Variants in MTMR12 observed in about 807,000 individuals in gnomAD.
MTMR12 encodes myotubularin-related protein 12.
MTMR12 carries 33 observed loss-of-function variants against 96.7 expected under a neutral mutation model. The observed-to-expected ratio is 0.34, with a 90% CI of 0.26 to 0.46. The LOEUF is 0.46. Ranked by LOEUF, MTMR12 falls within the 20% of genes least tolerant of loss-of-function variation. The pLI is 1.00. For synonymous variants in MTMR12, 298 were observed against 327.2 expected, an observed-to-expected ratio of 0.91 and a Z score of 0.96; for missense variants, 721 against 896.1, an observed-to-expected ratio of 0.80 and a Z score of 2.49.
chr5:32,288,923 TGACCAA>T (rs1750645551), intron 1 of MTMR12, among the ~76,000 whole-genome samples: 2 of 152,178 alleles, frequency 1.3e-5, no homozygotes, highest in South Asian at 4.1e-4. Flanking sequence ...GATATATCCT[TGACCAA>T]TGCTTTGCAA....
chr5:32,298,908 G>C (rs1319901281), intron 1 of MTMR12, among the ~76,000 whole-genome samples: 3 of 147,730 alleles, frequency 2.0e-5, no homozygotes, highest in Non-Finnish European at 4.4e-5. Context: ...AGCCGAGATC[G>C]CGCCACTGCA....
chr5:32,312,887 G>C lies in MTMR12; in HGVS notation c.-49C>G, dbSNP rs762719355. 5.4e-6 allele frequency: 8 copies of C among 1,487,736 alleles called. No individual in the cohort carries two copies. Among genetic ancestry groups the C allele is most frequent in the East Asian group, 5.7e-5 (2 of 35,326 alleles). The allele number at this position is 1,487,736 out of a possible 1,614,324, so 92.2% of individuals were successfully genotyped here. On this transcript the variant is annotated 5_prime_UTR_variant, in exon 1 of 16. Coordinates refer to ENST00000382142, the MANE Select transcript of MTMR12 (RefSeq NM_001040446.3). This position sits in a 1 kb window ranked among gnomAD's most constrained non-coding sequence, Gnocchi z 5.0. ...CGCGCGGACGCAGAGGCGGCGGCTC[G>C]GGCTCCAGCTGGGGCAGCAGCGGCG...
intron 1 of MTMR12, 52 bp from the exon 2 acceptor site, chr5:32,276,794 A>G: frequency 4.1e-6 from 6 of 1,463,302 alleles, no homozygotes; most frequent in African/African-American, 1.4e-5. Flanking sequence ...TTTAAAATGA[A>G]TAACATTAAG....
At chr5:32,240,171 C>T (rs1428322910) in intron 12 of MTMR12, among the ~76,000 whole-genome samples, 5 of 152,016 alleles carry the variant, frequency 3.3e-5, no homozygotes, top group African/African-American at 1.2e-4. Context: ...GAGGCCGAGG[C>T]GGGTGGATCA....
chr5:32,300,960 A>C (rs1455891443), intron 1 of MTMR12, among the ~76,000 whole-genome samples: 1 of 152,192 alleles, frequency 6.6e-6, no homozygotes, highest in African/African-American at 2.4e-5. Context: ...CTGTAGTCCC[A>C]ACTACTCAGA....
At chr5:32,249,652 G>A (rs1481645543) in intron 8 of MTMR12, among the ~76,000 whole-genome samples, 1 of 152,228 alleles carries the variant, frequency 6.6e-6, no homozygotes, top group African/African-American at 2.4e-5. Context: ...GGAGAAAGAA[G>A]TCACACGAGT....
At position 32,230,160 on chromosome 5, in the gene MTMR12, G is replaced by C; in HGVS notation, c.1862C>G (p.Thr621Ser). 1 of 1,614,186 alleles carries C rather than the reference G, an allele frequency of 6.2e-7. No individual in the cohort carries two copies. Among genetic ancestry groups the C allele is most frequent in the Non-Finnish European group, 8.5e-7 (1 of 1,180,024 alleles). ...CGGTAACAACAAACCATGGTAGTCAGTGGACTTGCTATGCCAGCTGTCATA... is the reference window on the plus strand; with the variant it reads ...CGGTAACAACAAACCATGGTAGTCACTGGACTTGCTATGCCAGCTGTCATA... ...EFYDSWHSKS[T>S]DYHGLLLPHI... Residue 621 changes from threonine to serine, a missense_variant, in exon 16 of 16, where the codon ACT (threonine) becomes AGT (serine). Thr to Ser is a moderately conservative substitution (Grantham distance 58). Coordinates refer to ENST00000382142, the MANE Select transcript of MTMR12 (RefSeq NM_001040446.3).
At chr5:32,273,654 C>A (rs984090627) in intron 3 of MTMR12, among the ~76,000 whole-genome samples, 1 of 151,442 alleles carries the variant, frequency 6.6e-6, no homozygotes, top group Admixed American at 6.6e-5. Context: ...GGTCCTGCCA[C>A]GGAAAGGAGA....
At chr5:32,282,889 A>T (rs1434221244) in intron 1 of MTMR12, among the ~76,000 whole-genome samples, 1 of 152,244 alleles carries the variant, frequency 6.6e-6, no homozygotes, top group Non-Finnish European at 1.5e-5. Flanking sequence ...GAACTGACAA[A>T]TATGGAGCTA....
At chr5:32,311,282 G>C (rs1299940679) in intron 1 of MTMR12, among the ~76,000 whole-genome samples, 1 of 152,160 alleles carries the variant, frequency 6.6e-6, no homozygotes, top group Non-Finnish European at 1.5e-5. Flanking sequence ...GATACCACAA[G>C]GGAAGCCCGC....
At chr5:32,299,076 TAC>T (rs1305155902) in intron 1 of MTMR12, among the ~76,000 whole-genome samples, 3 of 149,326 alleles carry the variant, frequency 2.0e-5, no homozygotes, top group Non-Finnish European at 4.4e-5. Flanking sequence ...CACATACACA[TAC>T]ACACACACGC....
chr5:32,287,823 CA>C (rs1750597545), intron 1 of MTMR12, among the ~76,000 whole-genome samples: 1 of 152,154 alleles, frequency 6.6e-6, no homozygotes, highest in Admixed American at 6.5e-5. Flanking sequence ...TCATGAGAGG[CA>C]AGGAGTTTAG....
intron 1 of MTMR12, among the ~76,000 whole-genome samples, chr5:32,299,070 T>C (rs964514027): frequency 1.3e-5 from 2 of 148,392 alleles, no homozygotes; most frequent in African/African-American, 2.5e-5. Flanking sequence ...CACACACACA[T>C]ACACATACAC....
chr5:32,288,046 A>G (rs1750609189), intron 1 of MTMR12, among the ~76,000 whole-genome samples: 1 of 152,124 alleles, frequency 6.6e-6, no homozygotes, highest in African/African-American at 2.4e-5. Context: ...TCTGGCAGAG[A>G]AAGAGCTGAA....
At chr5:32,288,906 TCCAGAAGATATATCC>T (rs1750644724) in intron 1 of MTMR12, among the ~76,000 whole-genome samples, 2 of 152,022 alleles carry the variant, frequency 1.3e-5, no homozygotes, top group South Asian at 4.2e-4. Flanking sequence ...GCTGGGAGGG[TCCAGAAGATATATCC>T]TTGACCAATG....
chr5:32,255,243 A>G (rs541424437), intron 8 of MTMR12, among the ~76,000 whole-genome samples: 3 of 152,328 alleles, frequency 2.0e-5, no homozygotes, highest in African/African-American at 4.8e-5. Flanking sequence ...GATCAGTGAC[A>G]CATTAAATAT....
At position 32,312,826 on chromosome 5, in the gene MTMR12, C is replaced by T. The variant is rs1171229536; in HGVS notation, c.13G>A (p.Gly5Arg). 6.5e-7 allele frequency: 1 copy of T among 1,531,406 alleles called. No individual in the cohort carries two copies. The highest frequency in any genetic ancestry group is 8.8e-7 in the Non-Finnish European group (1 of 1,142,690). The allele number at this position is 1,531,406 out of a possible 1,614,324, so 94.9% of individuals were successfully genotyped here. A position where few individuals can be genotyped will look rare whatever the true frequency, so the allele number is the denominator to read the frequency against. Residue 5 changes from glycine to arginine, a missense_variant, in exon 1 of 16, where the codon GGA becomes AGA. By Grantham distance (125) the Gly-to-Arg change is moderately radical. Transcript: ENST00000382142. This position sits in a 1 kb window ranked among gnomAD's most constrained non-coding sequence, Gnocchi z 5.0. Reference sequence around the variant, plus strand: ...GTGCCGCCGCCACCGCCGACTACTCCTTTCCCCAGCATACCGCCGCCCTGG... The same window carrying T: ...GTGCCGCCGCCACCGCCGACTACTCTTTTCCCCAGCATACCGCCGCCCTGG... The part of the protein sequence containing the change: MLGK[G>R]VVGGGGGTKA...
At chr5:32,232,333 G>A (rs953259987) in intron 15 of MTMR12, among the ~76,000 whole-genome samples, 8 of 152,172 alleles carry the variant, frequency 5.3e-5, no homozygotes, top group East Asian at 3.9e-4. Flanking sequence ...TGTCGCCCCC[G>A]TCCCAACTGT....
chr5:32,261,805 G>A (rs926388540), intron 7 of MTMR12, among the ~76,000 whole-genome samples: 2 of 152,192 alleles, frequency 1.3e-5, no homozygotes, highest in Admixed American at 6.5e-5. Flanking sequence ...GGGCGCAATG[G>A]CTCACACCTG....
Sources: gnomAD v4.1 joint callset for allele counts (sites outside exome capture counted in the v4.1 genomes callset) on GRCh38, gnomAD v4.1.1 for gene constraint, Gnocchi (gnomAD v3.1) non-coding constraint, MANE v1.5 for transcripts, NCBI Gene and HGNC (gene_info 2026-07-23, HGNC 2026-07-21) for gene names.